ASB9: variants seen among roughly 807,000 people sequenced by gnomAD.
ASB9 encodes the protein ankyrin repeat and SOCS box containing 9.
ASB9 carries 5 observed loss-of-function variants against 16.6 expected under a neutral mutation model. That is an observed-to-expected ratio of 0.30 (90% CI 0.16 to 0.63). The LOEUF (loss-of-function observed/expected upper bound fraction) is 0.63, where lower values mean the gene tolerates loss of function less well. Among genes scored for constraint, ASB9 ranks in the 30% least tolerant of loss-of-function variants. The probability of loss-of-function intolerance (pLI) is 0.82; values close to 1 mark genes in which losing one functional copy is unlikely to be tolerated. For missense variants in ASB9, 216 were observed against 229.4 expected, an observed-to-expected ratio of 0.94 and a Z score of 0.38; for synonymous variants, 100 against 86.4, an observed-to-expected ratio of 1.16 and a Z score of -0.87.
In ASB9 at chrX:15,244,401, A is replaced by G; in HGVS notation, c.*105T>C. 1.0e-6 allele frequency: 1 copy of G among 958,921 alleles called. No individual in the cohort carries two copies. Among genetic ancestry groups the G allele is most frequent in the Non-Finnish European group, 1.4e-6 (1 of 695,150 alleles). The allele number at this position is 958,921 out of a possible 1,213,427, so 79.0% of individuals were successfully genotyped here. A position where few individuals can be genotyped will look rare whatever the true frequency, so the allele number is the denominator to read the frequency against. On this transcript the variant is annotated 3_prime_UTR_variant, in exon 7 of 7. Transcript: ENST00000380488. ...TTATAACAAATACAAATCTAATCGA[A>G]AAAACTAGTCAAACTCTATAAATCC...
At chrX:15,249,936 G>A (rs61326142) in intron 5 of ASB9, among the ~76,000 whole-genome samples, 17,818 of 111,521 alleles carry the variant, frequency 0.16, 2,163 homozygotes, top group African/African-American at 0.42. Context: ...TGTTGAGAAG[G>A]GGGCTGGACA....
intron 1 of ASB9, among the ~76,000 whole-genome samples, chrX:15,262,671 A>G (rs1398094917): frequency 8.9e-6 from 1 of 112,602 alleles, no homozygotes; most frequent in Non-Finnish European, 1.9e-5. Context: ...TCATTCTGTC[A>G]CCCAGGCTGG....
rs894058282 is a variant in ASB9 at position 15,269,979 on chromosome X, G to A, written c.-105C>T. 4 of 618,992 alleles carry A rather than the reference G, an allele frequency of 6.5e-6. No homozygotes were observed. The highest frequency in any genetic ancestry group is 2.2e-5 in the African/African-American group (1 of 44,451). 51.0% of individuals were successfully genotyped at this position (618,992 alleles called of 1,213,427 possible). A position where few individuals can be genotyped will look rare whatever the true frequency, so the allele number is the denominator to read the frequency against. ...CCTGAAAAATTCCAGTTCTGTGGCT[G>A]GCTGAGCTGCACACGTTCTGGTCAA... On this transcript the variant is annotated 5_prime_UTR_variant, in exon 1 of 7. Coordinates refer to ENST00000380488, the MANE Select transcript of ASB9 (RefSeq NM_001031739.3).
chrX:15,257,822 C>T (rs1186468769), intron 2 of ASB9, among the ~76,000 whole-genome samples: 1 of 112,358 alleles, frequency 8.9e-6, no homozygotes, highest in Admixed American at 9.4e-5. Flanking sequence ...TGGATGTGGT[C>T]ATGTGACTTG....
Position 15,248,311 on chromosome X carries a change from C to T in ASB9, c.760+433G>A, listed in dbSNP as rs143982276. 7.7e-3 allele frequency among the ~76,000 whole-genome samples: 863 copies of T among 112,015 alleles called. 12 individuals are homozygous for T. The highest frequency in any genetic ancestry group is 0.027 in the African/African-American group (835 of 30,848). ...TTGGTGTGAACCCTAAACTCTTAAACAGCTGCATTTTAAGCCCAGAAACGA... is the reference window on the plus strand; with the variant it reads ...TTGGTGTGAACCCTAAACTCTTAAATAGCTGCATTTTAAGCCCAGAAACGA... On this transcript the variant is annotated intron_variant, in intron 6 of 6. Coordinates refer to ENST00000380488, the MANE Select transcript of ASB9 (RefSeq NM_001031739.3).
At chrX:15,253,587 G>A (rs1925304491) in intron 3 of ASB9, among the ~76,000 whole-genome samples, 2 of 111,594 alleles carry the variant, frequency 1.8e-5, no homozygotes, top group Non-Finnish European at 3.8e-5. Flanking sequence ...GCGACAGAGC[G>A]AGACTCCATC....
chrX:15,252,663 A>G (rs1295026947), intron 3 of ASB9, among the ~76,000 whole-genome samples: 1 of 112,101 alleles, frequency 8.9e-6, no homozygotes, highest in Non-Finnish European at 1.9e-5. Flanking sequence ...ACTAGTTAGG[A>G]TAATTTCAAT....
At chrX:15,265,390 C>G (rs1926298146) in intron 1 of ASB9, among the ~76,000 whole-genome samples, 2 of 112,241 alleles carry the variant, frequency 1.8e-5, no homozygotes, top group African/African-American at 6.5e-5. Flanking sequence ...ATAATTTTGC[C>G]TGCCTTCTGT....
intron 2 of ASB9, among the ~76,000 whole-genome samples, chrX:15,257,457 G>A (rs907501106): frequency 1.8e-5 from 2 of 110,997 alleles, no homozygotes; most frequent in Admixed American, 9.6e-5. Context: ...CCAGCATTTA[G>A]GTGTTTATAC....
intron 2 of ASB9, among the ~76,000 whole-genome samples, chrX:15,256,775 CAA>C (rs1248547700): frequency 5.6e-5 from 2 of 35,993 alleles, no homozygotes; most frequent in Admixed American, 3.8e-4. Context: ...GACTCCGTCT[CAA>C]AAAAAAAAAA....
intron 6 of ASB9, among the ~76,000 whole-genome samples, chrX:15,248,127 G>A (rs1162407631): frequency 1.8e-5 from 2 of 111,656 alleles, no homozygotes; most frequent in African/African-American, 3.3e-5. Context: ...CCAACTTGAG[G>A]TGTCTTTGTT....
At chrX:15,251,865 C>T (rs374283536) in intron 4 of ASB9, among the ~76,000 whole-genome samples, 10 of 112,596 alleles carry the variant, frequency 8.9e-5, no homozygotes, top group African/African-American at 3.2e-4. Context: ...AACTTGATTT[C>T]TATAAGGTCA....
chrX:15,246,445 T>C (rs1391034737), intron 6 of ASB9, among the ~76,000 whole-genome samples: 2 of 111,750 alleles, frequency 1.8e-5, no homozygotes, highest in Non-Finnish European at 3.8e-5. Context: ...GGGCCTTGAT[T>C]TCTTTTTTCC....
intron 1 of ASB9, among the ~76,000 whole-genome samples, chrX:15,267,850 G>GATT (rs1471169980): frequency 1.8e-5 from 2 of 109,567 alleles, no homozygotes; most frequent in African/African-American, 6.7e-5. Context: ...TACATCTGCT[G>GATT]ATTAATCCAG....
At chrX:15,251,348 A>G (rs1314173204) in intron 4 of ASB9, among the ~76,000 whole-genome samples, 1 of 112,045 alleles carries the variant, frequency 8.9e-6, no homozygotes, top group Non-Finnish European at 1.9e-5. Context: ...CAATGCTTAG[A>G]AGAAACTGCC....
At chrX:15,253,316 G>C (rs1925277860) in intron 3 of ASB9, among the ~76,000 whole-genome samples, 1 of 111,334 alleles carries the variant, frequency 9.0e-6, no homozygotes, top group East Asian at 2.8e-4. Flanking sequence ...ACTCCGCCGG[G>C]CACGGTGGCT....
chrX:15,247,334 C>T (rs1344746647), intron 6 of ASB9, among the ~76,000 whole-genome samples: 1 of 111,533 alleles, frequency 9.0e-6, no homozygotes, highest in Admixed American at 9.5e-5. Flanking sequence ...CCGTGCAAAA[C>T]GTAAATTCAA....
intron 4 of ASB9, 133 bp from the exon 5 acceptor site, chrX:15,250,697 G>A: frequency 2.0e-6 from 1 of 506,825 alleles, no homozygotes; most frequent in Non-Finnish European, 3.2e-6. Context: ...CCTTCAATTA[G>A]AATCAGGAGT....
chrX:15,268,007 C>T (rs1361772588), intron 1 of ASB9, among the ~76,000 whole-genome samples: 2 of 110,533 alleles, frequency 1.8e-5, no homozygotes, highest in Non-Finnish European at 3.8e-5. Context: ...TCCATTTTTA[C>T]CTTTTTGGTA....
Sources: gnomAD v4.1 joint callset for allele counts (sites outside exome capture counted in the v4.1 genomes callset) on GRCh38, gnomAD v4.1.1 for gene constraint, MANE v1.5 for transcripts, NCBI Gene and HGNC (gene_info 2026-07-23, HGNC 2026-07-21) for gene names.